Variants in COG6 observed in about 807,000 individuals in gnomAD.
The protein encoded by COG6 is conserved oligomeric Golgi complex subunit 6.
Under a neutral mutation model 88.8 loss-of-function variants are expected in COG6, and 74 were observed. The ratio of observed to expected loss-of-function variants is 0.83; its 90% confidence interval spans 0.69 to 1.01. The LOEUF (loss-of-function observed/expected upper bound fraction) is 1.01, where lower values mean the gene tolerates loss of function less well. Ranked by LOEUF, COG6 falls within the 50% of genes least tolerant of loss-of-function variation. COG6 has a pLI of 0.00. For missense variants in COG6, 800 were observed against 797.9 expected (o/e 1.00, Z -0.03); for synonymous variants, 286 against 278.7 (o/e 1.03, Z -0.26).
At chr13:39,754,648 A>G (rs1305689134), downstream of COG6, among the ~76,000 whole-genome samples, 3 of 152,232 alleles carry the variant, frequency 2.0e-5, no homozygotes, top group Admixed American at 6.5e-5. Context: ...TTAGAACTCA[A>G]TATATGAGAG....
intron 18 of COG6, among the ~76,000 whole-genome samples, chr13:39,729,470 A>G (rs1325795002): frequency 1.3e-5 from 2 of 152,220 alleles, no homozygotes; most frequent in South Asian, 2.1e-4. Flanking sequence ...AAACAATAAT[A>G]TGGAAAAATG....
intron 18 of COG6, among the ~76,000 whole-genome samples, chr13:39,739,360 T>A (rs1879931508): frequency 1.3e-5 from 2 of 152,100 alleles, no homozygotes; most frequent in Admixed American, 1.3e-4. Context: ...CTATATGCCC[T>A]TTACAAGAGA....
At chr13:39,732,430 G>A (rs1239998064) in intron 18 of COG6, among the ~76,000 whole-genome samples, 1 of 151,992 alleles carries the variant, frequency 6.6e-6, no homozygotes, top group Non-Finnish European at 1.5e-5. Flanking sequence ...GCCAAACCTA[G>A]AGAAAAAAAT....
intron 4 of COG6, among the ~76,000 whole-genome samples, chr13:39,674,635 A>G (rs7336789): frequency 2.0e-5 from 3 of 152,168 alleles, no homozygotes; most frequent in Non-Finnish European, 2.9e-5. Flanking sequence ...CTTATGGTCA[A>G]CTGCAGTCTG....
chr13:39,768,075 C>T (rs1881218143), intron 18 of COG6, among the ~76,000 whole-genome samples: 1 of 152,020 alleles, frequency 6.6e-6, no homozygotes, highest in Non-Finnish European at 1.5e-5. Flanking sequence ...ATCTTACCTG[C>T]TCACATTCAT....
chr13:39,759,676 A>G (rs543792903), intron 18 of COG6, among the ~76,000 whole-genome samples: 2 of 152,302 alleles, frequency 1.3e-5, no homozygotes, highest in East Asian at 3.9e-4. Flanking sequence ...TTGCAGGTCC[A>G]AATATGAAAT....
chr13:39,697,410 T>G (rs1353268906), intron 12 of COG6, among the ~76,000 whole-genome samples: 1 of 151,636 alleles, frequency 6.6e-6, no homozygotes, highest in African/African-American at 2.4e-5. Context: ...CTCAAAAAAT[T>G]TACCTCTCAT....
chr13:39,667,701 G>A, intron 4 of COG6, among the ~76,000 whole-genome samples: 1 of 152,080 alleles, frequency 6.6e-6, no homozygotes, highest in East Asian at 1.9e-4. Context: ...TAAGTGTAAG[G>A]TATCAACAGA....
At chr13:39,676,971 A>G (rs1363058180) in intron 4 of COG6, among the ~76,000 whole-genome samples, 1 of 152,184 alleles carries the variant, frequency 6.6e-6, no homozygotes, top group African/African-American at 2.4e-5. Flanking sequence ...GTGACTAGCA[A>G]TTTATGGAGA....
At chr13:39,679,892 A>AT (rs1876206769) in intron 6 of COG6, 83 bp from the exon 7 acceptor site, 1 of 759,634 alleles carries the variant, frequency 1.3e-6, no homozygotes, top group Non-Finnish European at 2.3e-6. Flanking sequence ...ATGCTGTAAT[A>AT]TGTAATATGC....
downstream of COG6, among the ~76,000 whole-genome samples, chr13:39,756,619 A>G (rs1331227916): frequency 2.6e-5 from 4 of 152,182 alleles, no homozygotes; most frequent in Admixed American, 2.6e-4. Flanking sequence ...GAATCTTGAA[A>G]ACACCAAGAG....
intron 13 of COG6, among the ~76,000 whole-genome samples, chr13:39,713,898 A>G (rs188612714): frequency 2.6e-3 from 399 of 152,312 alleles, no homozygotes; most frequent in African/African-American, 9.2e-3. Flanking sequence ...AAGTTTGTTT[A>G]TCTGAAAAAC....
chr13:39,696,259 A>C (rs895046696), intron 12 of COG6, among the ~76,000 whole-genome samples: 4 of 151,954 alleles, frequency 2.6e-5, no homozygotes, highest in Non-Finnish European at 5.9e-5. Flanking sequence ...TCTAGGTGGT[A>C]AGGAAACAGT....
chr13:39,753,664 C>G (rs979171176), downstream of COG6, among the ~76,000 whole-genome samples: 19 of 151,934 alleles, frequency 1.3e-4, no homozygotes, highest in African/African-American at 4.6e-4. Context: ...CAGGATATTC[C>G]CTCCATTATG....
intron 15 of COG6, among the ~76,000 whole-genome samples, chr13:39,720,794 T>G (rs1260567736): frequency 6.6e-6 from 1 of 152,084 alleles, no homozygotes; most frequent in Non-Finnish European, 1.5e-5. Context: ...GTTTTTTGTC[T>G]AATGTATTAA....
At chr13:39,690,453 A>C (rs1206292680) in intron 11 of COG6, among the ~76,000 whole-genome samples, 2 of 151,850 alleles carry the variant, frequency 1.3e-5, no homozygotes, top group African/African-American at 2.4e-5. Flanking sequence ...GATGAAGTAC[A>C]TAGTTTATGA....
rs1377192495 is a variant in COG6, at chr13:39,750,996, A to T, written c.1877A>T (p.Glu626Val). ...GAATTAGTCTGCAGAGCCTATGGTG[A>T]AGTGTATGCAGCCGTGATGAATCCA... Reference protein sequence around the residue: ...STELVCRAYGEVYAAVMNPIN... With the variant: ...STELVCRAYGVVYAAVMNPIN... Residue 626 changes from glutamate to valine, a missense_variant, in exon 19 of 19, where the codon GAA becomes GTA. Transcript: ENST00000455146. The T allele has an allele frequency of 1.2e-6, 2 of 1,613,588 alleles. No individual in the cohort carries two copies. The highest frequency in any genetic ancestry group is 1.7e-6 in the Non-Finnish European group (2 of 1,179,808).
intron 18 of COG6, chr13:39,788,194 C>G (rs1201575639): frequency 1.2e-6 from 1 of 852,034 alleles, no homozygotes; most frequent in East Asian, 2.7e-5. Context: ...CACACGTACT[C>G]CACCACATGG....
At chr13:39,775,689 G>A (rs1046480758) in intron 18 of COG6, among the ~76,000 whole-genome samples, 10 of 151,902 alleles carry the variant, frequency 6.6e-5, no homozygotes, top group African/African-American at 2.2e-4. Context: ...ATACAATACC[G>A]AAACAAATTA....
Sources: allele counts gnomAD v4.1 joint callset (sites outside exome capture counted in the v4.1 genomes callset), GRCh38; gene constraint gnomAD v4.1.1; transcripts MANE v1.5; gene names NCBI Gene and HGNC (gene_info 2026-07-23, HGNC 2026-07-21).